WARS2: variants seen among roughly 807,000 people sequenced by gnomAD.
WARS2 encodes tryptophan--tRNA ligase, mitochondrial.
A neutral mutation model predicts 36.5 loss-of-function variants in WARS2; 28 were observed. The ratio of observed to expected loss-of-function variants is 0.77; its 90% CI spans 0.57 to 1.05. The LOEUF (loss-of-function observed/expected upper bound fraction) is 1.05, where lower values mean the gene tolerates loss of function less well. WARS2 is among the 50% of genes least tolerant of loss of function. The probability of loss-of-function intolerance (pLI) is 0.00; values close to 1 mark genes in which losing one functional copy is unlikely to be tolerated. For synonymous variants in WARS2, 174 were observed against 178.4 expected (o/e 0.98, Z 0.20); for missense variants, 435 against 456.8 (o/e 0.95, Z 0.44).
chr1:119,035,601 G>A (rs541708764), intron 4 of WARS2, among the ~76,000 whole-genome samples: 10 of 152,272 alleles, frequency 6.6e-5, no homozygotes, highest in Admixed American at 3.3e-4. Context: ...AGAGAACCTT[G>A]ATGAGGGGTA....
chr1:119,085,271 A>G (rs1652542151), intron 1 of WARS2: 1 of 961,920 alleles, frequency 1.0e-6, no homozygotes. Context: ...CTGCCCAACC[A>G]GAGTAGGCAG....
At chr1:119,123,318 G>A (rs926167141) in intron 1 of WARS2, among the ~76,000 whole-genome samples, 10 of 152,200 alleles carry the variant, frequency 6.6e-5, no homozygotes, top group South Asian at 2.1e-4. Context: ...CAAGGAACAC[G>A]TGTGTCCCAT....
intron 1 of WARS2, among the ~76,000 whole-genome samples, chr1:119,118,494 A>C (rs1171107395): frequency 1.3e-5 from 2 of 152,130 alleles, no homozygotes; most frequent in East Asian, 3.8e-4. Context: ...TCTAAAAGTT[A>C]TGCAAACTTA....
intron 1 of WARS2, among the ~76,000 whole-genome samples, chr1:119,078,981 G>T (rs1327915607): frequency 5.3e-5 from 8 of 151,634 alleles, no homozygotes; most frequent in African/African-American, 1.9e-4. Context: ...TATACAAAAT[G>T]TGTGTGTGTG....
chr1:119,058,541 G>A (rs1650066299), intron 2 of WARS2, among the ~76,000 whole-genome samples: 1 of 127,848 alleles, frequency 7.8e-6, no homozygotes. Context: ...TCCCACCTAT[G>A]AGTGAGAATA....
At chr1:119,138,288 A>C (rs1239167347) in intron 1 of WARS2, among the ~76,000 whole-genome samples, 1 of 152,206 alleles carries the variant, frequency 6.6e-6, no homozygotes, top group Non-Finnish European at 1.5e-5. Context: ...GAAGATACAT[A>C]CAGGAAAAGT....
At chr1:119,118,244 A>G (rs1181909297) in intron 1 of WARS2, among the ~76,000 whole-genome samples, 1 of 152,078 alleles carries the variant, frequency 6.6e-6, no homozygotes, top group African/African-American at 2.4e-5. Context: ...GACTATCACA[A>G]CTTCTGGAAA....
At chr1:119,086,815 T>G (rs1041652067) in intron 1 of WARS2, among the ~76,000 whole-genome samples, 4 of 152,154 alleles carry the variant, frequency 2.6e-5, no homozygotes, top group African/African-American at 4.8e-5. Context: ...GGGTGGTCAA[T>G]GCCCTTCCCA....
At chr1:119,066,083 C>T (rs1447759338) in intron 2 of WARS2, among the ~76,000 whole-genome samples, 1 of 151,926 alleles carries the variant, frequency 6.6e-6, no homozygotes, top group African/African-American at 2.4e-5. Context: ...AAACATACTC[C>T]AGAAGCATAC....
chr1:119,115,382 T>C (rs1654897249), intron 1 of WARS2, among the ~76,000 whole-genome samples: 1 of 152,172 alleles, frequency 6.6e-6, no homozygotes, highest in African/African-American at 2.4e-5. Context: ...ATATATATTG[T>C]CACTGAAAAA....
chr1:119,138,315 T>A (rs1656656086), intron 1 of WARS2, among the ~76,000 whole-genome samples: 2 of 152,200 alleles, frequency 1.3e-5, no homozygotes, highest in South Asian at 4.1e-4. Context: ...AAATTTTTAG[T>A]AGTCCTTTTC....
chr1:119,084,056 CTGTTG>C (rs1410823487), intron 1 of WARS2, among the ~76,000 whole-genome samples: 2 of 150,258 alleles, frequency 1.3e-5, no homozygotes, highest in Non-Finnish European at 3.0e-5. Context: ...GAGTGTCTCT[CTGTTG>C]CCCAGGCTGG....
chr1:119,071,762 T>C (rs567734082), intron 2 of WARS2, among the ~76,000 whole-genome samples: 33 of 152,280 alleles, frequency 2.2e-4, no homozygotes, highest in African/African-American at 7.5e-4. Context: ...ATGGTGACCA[T>C]AGTTAATAAT....
chr1:119,128,872 A>T (rs1655884320), intron 1 of WARS2, among the ~76,000 whole-genome samples: 1 of 152,164 alleles, frequency 6.6e-6, no homozygotes, highest in South Asian at 2.1e-4. Context: ...GAAAAGAAAG[A>T]CAAGAGGGCA....
intron 1 of WARS2, among the ~76,000 whole-genome samples, chr1:119,134,338 A>AAC (rs1656337290): frequency 6.6e-6 from 1 of 151,300 alleles, no homozygotes; most frequent in Non-Finnish European, 1.5e-5. Context: ...AAAAAAAAAA[A>AAC]AAACAAAGAC....
chr1:119,093,393 A>T (rs1439874462), intron 1 of WARS2, among the ~76,000 whole-genome samples: 1 of 151,214 alleles, frequency 6.6e-6, no homozygotes, highest in Non-Finnish European at 1.5e-5. Context: ...TCCCTCCAAA[A>T]TTCATGTCTA....
chr1:119,051,504 G>T (rs1001721341), intron 2 of WARS2, among the ~76,000 whole-genome samples: 2 of 152,222 alleles, frequency 1.3e-5, no homozygotes, highest in Middle Eastern at 6.8e-3. Flanking sequence ...GAACATATGT[G>T]TGCATGTATC....
intron 1 of WARS2, among the ~76,000 whole-genome samples, chr1:119,117,933 C>T (rs1655081535): frequency 6.6e-6 from 1 of 152,168 alleles, no homozygotes; most frequent in Non-Finnish European, 1.5e-5. Flanking sequence ...TGAACAGCAG[C>T]CCTTGAGTTC....
intron 1 of WARS2, among the ~76,000 whole-genome samples, chr1:119,096,379 A>T (rs1477487585): frequency 6.6e-6 from 1 of 152,200 alleles, no homozygotes; most frequent in East Asian, 1.9e-4. Flanking sequence ...TAACAACTCT[A>T]ACAAGTTGAC....
Sources: gnomAD v4.1 joint callset for allele counts (sites outside exome capture counted in the v4.1 genomes callset) on GRCh38, gnomAD v4.1.1 for gene constraint, MANE v1.5 for transcripts, NCBI Gene and HGNC (gene_info 2026-07-23, HGNC 2026-07-21) for gene names.